VOPP1: variants seen among roughly 807,000 people sequenced by gnomAD.
The protein encoded by VOPP1 is WW domain binding protein VOPP1.
VOPP1 carries 8 observed loss-of-function variants against 23.5 expected under a neutral mutation model. The observed-to-expected ratio is 0.34, with a 90% CI of 0.20 to 0.61. VOPP1 has a LOEUF of 0.61. VOPP1 is among the 20% of genes least tolerant of loss of function. VOPP1 has a pLI of 0.78. For synonymous variants in VOPP1, 83 were observed against 97.3 expected (o/e 0.85, Z 0.86); for missense variants, 174 against 238.1 (o/e 0.73, Z 1.77).
intron 4 of VOPP1, among the ~76,000 whole-genome samples, chr7:55,492,069 T>C (rs1210679149): frequency 2.6e-5 from 4 of 152,218 alleles, no homozygotes; most frequent in South Asian, 2.1e-4. Context: ...GGCACACTGA[T>C]AACTGTAAGA....
At chr7:55,466,793 C>T (rs1369779088), downstream of VOPP1, among the ~76,000 whole-genome samples, 1 of 152,098 alleles carries the variant, frequency 6.6e-6, no homozygotes, top group Non-Finnish European at 1.5e-5. Context: ...GTGCCTGGCC[C>T]AACTATGAAC....
chr7:55,549,392 A>C (rs925972129), intron 1 of VOPP1, among the ~76,000 whole-genome samples: 1 of 152,176 alleles, frequency 6.6e-6, no homozygotes, highest in South Asian at 2.1e-4. Flanking sequence ...CCCATGGCTT[A>C]ATTTCTCCTA....
chr7:55,565,878 G>T (rs1798147511), intron 1 of VOPP1, among the ~76,000 whole-genome samples: 1 of 152,208 alleles, frequency 6.6e-6, no homozygotes, highest in Non-Finnish European at 1.5e-5. Flanking sequence ...ATAAGTGCCA[G>T]TGGGGAGGAC....
intron 3 of VOPP1, 45 bp downstream of exon 3, chr7:55,497,568 G>C (rs1479950424): frequency 1.6e-5 from 18 of 1,113,932 alleles, no homozygotes; most frequent in East Asian, 2.7e-5. Context: ...GGGGGGGGGG[G>C]GGCAGAGCTC....
chr7:55,522,674 G>C (rs1324128999), intron 1 of VOPP1, among the ~76,000 whole-genome samples: 1 of 152,100 alleles, frequency 6.6e-6, no homozygotes. Context: ...TGAGGCCAGG[G>C]AACATCAGAA....
At chr7:55,479,717 A>C (rs1490568649) in intron 4 of VOPP1, among the ~76,000 whole-genome samples, 1 of 152,222 alleles carries the variant, frequency 6.6e-6, no homozygotes, top group Non-Finnish European at 1.5e-5. Flanking sequence ...TGATGTTAGC[A>C]AAGAATCTAA....
At chr7:55,476,294 T>C (rs1420868736) in intron 4 of VOPP1, among the ~76,000 whole-genome samples, 2 of 152,178 alleles carry the variant, frequency 1.3e-5, no homozygotes, top group Admixed American at 6.5e-5. Flanking sequence ...GAGGACACGC[T>C]GTGATGTTAA....
chr7:55,468,799 A>G (rs564049702), downstream of VOPP1, among the ~76,000 whole-genome samples: 1 of 152,282 alleles, frequency 6.6e-6, no homozygotes, highest in Non-Finnish European at 1.5e-5. Context: ...ACGGGACAGG[A>G]GGGAAGATAA....
intron 4 of VOPP1, among the ~76,000 whole-genome samples, chr7:55,474,169 TGTGCC>T (rs1388935058): frequency 6.6e-6 from 1 of 152,356 alleles, no homozygotes; most frequent in South Asian, 2.1e-4. Context: ...GCCCTGCATC[TGTGCC>T]GTCCCACAGA....
At chr7:55,496,362 C>T (rs1485316810) in intron 3 of VOPP1, among the ~76,000 whole-genome samples, 1 of 152,240 alleles carries the variant, frequency 6.6e-6, no homozygotes, top group African/African-American at 2.4e-5. Flanking sequence ...GGGCCCTCCC[C>T]GTCTCTGGTA....
intron 2 of VOPP1, among the ~76,000 whole-genome samples, chr7:55,505,270 G>A (rs1008808477): frequency 6.6e-6 from 1 of 152,160 alleles, no homozygotes; most frequent in Non-Finnish European, 1.5e-5. Flanking sequence ...AGGGAGAGAC[G>A]AGACTGGGGC....
chr7:55,489,692 T>C (rs962481002), intron 4 of VOPP1, among the ~76,000 whole-genome samples: 5 of 152,180 alleles, frequency 3.3e-5, no homozygotes, highest in South Asian at 2.1e-4. Flanking sequence ...CGCTCCAGGC[T>C]GTGACTGTAG....
chr7:55,484,950 C>A (rs1793022364), intron 4 of VOPP1, among the ~76,000 whole-genome samples: 1 of 152,206 alleles, frequency 6.6e-6, no homozygotes, highest in Non-Finnish European at 1.5e-5. Flanking sequence ...ACAGCACAAG[C>A]CCACGTCAGC....
chr7:55,461,133 G>A (rs1791490011), intron 4 of VOPP1, among the ~76,000 whole-genome samples: 1 of 152,080 alleles, frequency 6.6e-6, no homozygotes, highest in Non-Finnish European at 1.5e-5. Flanking sequence ...AGTAACTCAG[G>A]AATGGAAAAC....
chr7:55,468,683 T>G (rs1252092285), downstream of VOPP1, among the ~76,000 whole-genome samples: 1 of 152,246 alleles, frequency 6.6e-6, no homozygotes, highest in Non-Finnish European at 1.5e-5. Flanking sequence ...CCGCGTCAGC[T>G]GCAGCTGCAG....
chr7:55,452,628 G>A (rs1054846041), intron 4 of VOPP1, among the ~76,000 whole-genome samples: 6 of 152,232 alleles, frequency 3.9e-5, no homozygotes, highest in Non-Finnish European at 7.3e-5. Context: ...GCTGCAGAAT[G>A]AATGTGTGTT....
intron 2 of VOPP1, among the ~76,000 whole-genome samples, chr7:55,510,182 G>C (rs1020234643): frequency 6.6e-6 from 1 of 152,166 alleles, no homozygotes; most frequent in Admixed American, 6.5e-5. Context: ...TACCTTCTAA[G>C]CTATATGTCT....
intron 1 of VOPP1, among the ~76,000 whole-genome samples, chr7:55,537,867 ATT>A (rs751607296): frequency 5.9e-5 from 9 of 152,190 alleles, no homozygotes; most frequent in Non-Finnish European, 1.3e-4. Context: ...ACAAAAGTTC[ATT>A]CTCCCCCAAA....
chr7:55,451,659 C>CG lies in VOPP1; in HGVS notation n.418-15486dup, dbSNP rs542360103. Among the ~76,000 whole-genome samples, 1,178 of 152,204 alleles carry CG rather than the reference C, an allele frequency of 7.7e-3. 16 individuals carry two copies. Among genetic ancestry groups the CG allele is most frequent in the African/African-American group, 0.025 (1,052 of 41,526 alleles). ...TACAAAAATCAGCTGGGCGTGCTGG[C>CG]GGGTGCCTGTAGTCCCAGCTATTCA... On this transcript the variant is annotated intron_variant and non_coding_transcript_variant, in intron 4 of 4. Coordinates refer to the VOPP1 transcript ENST00000462326.
Sources: allele counts gnomAD v4.1 joint callset (sites outside exome capture counted in the v4.1 genomes callset), GRCh38; gene constraint gnomAD v4.1.1; transcripts MANE v1.5; gene names NCBI Gene and HGNC (gene_info 2026-07-23, HGNC 2026-07-21).